The following RPS6KA5 variants were observed in gnomAD, a reference collection of about 807,000 sequenced individuals.
The protein encoded by RPS6KA5 is ribosomal protein S6 kinase A5, also known as ribosomal protein S6 kinase alpha-5.
In RPS6KA5, 27 loss-of-function variants were observed where a neutral mutation model predicts 85.5. The ratio of observed to expected loss-of-function variants is 0.32; its 90% CI spans 0.23 to 0.44. The LOEUF (loss-of-function observed/expected upper bound fraction) is 0.44, where lower values mean the gene tolerates loss of function less well. Ranked by LOEUF, RPS6KA5 falls within the 20% of genes least tolerant of loss-of-function variation. RPS6KA5 has a pLI of 1.00. For synonymous variants in RPS6KA5, 334 were observed against 348.2 expected (o/e 0.96, Z 0.46); for missense variants, 811 against 980.9 (o/e 0.83, Z 2.31).
At chr14:90,890,318 C>T (rs1018689296) in intron 14 of RPS6KA5, among the ~76,000 whole-genome samples, 169 bp downstream of exon 14, 2 of 152,132 alleles carry the variant, frequency 1.3e-5, no homozygotes, top group African/African-American at 4.8e-5. Flanking sequence ...CTTTAATATA[C>T]ATTTTAAGAC....
In RPS6KA5 at chr14:90,855,413, C is replaced by T. The variant is rs2032224123; in HGVS notation, c.*16661G>A. On this transcript the variant is annotated 3_prime_UTR_variant, in exon 17 of 17. Coordinates refer to ENST00000614987, the MANE Select transcript of RPS6KA5 (RefSeq NM_004755.4). ...TCACCAAAGAAAAACTGAACTCAAA[C>T]AAAGGCCTGGTACTTACATTATTTT... is the stretch of plus-strand genomic sequence containing the variant. 1 of 151,234 alleles carries T rather than the reference C, an allele frequency of 6.6e-6. No individual in the cohort carries two copies. Among genetic ancestry groups the T allele is most frequent in the Admixed American group, 6.7e-5 (1 of 14,998 alleles). 9.4% of individuals were successfully genotyped at this position (151,234 alleles called of 1,614,324 possible).
chr14:91,027,193 G>T (rs1016811187), intron 1 of RPS6KA5, among the ~76,000 whole-genome samples: 6 of 152,100 alleles, frequency 3.9e-5, no homozygotes, highest in African/African-American at 1.2e-4. Context: ...TCTTTCCAAA[G>T]TCCGAGGTAT....
intron 3 of RPS6KA5, among the ~76,000 whole-genome samples, chr14:90,960,173 T>C (rs2038725343): frequency 6.6e-6 from 1 of 152,196 alleles, no homozygotes; most frequent in East Asian, 1.9e-4. Context: ...GATTTTCATT[T>C]CAACAAGAGC....
intron 16 of RPS6KA5, 22 bp downstream of exon 16, chr14:90,873,610 T>C (rs1485562026): frequency 2.5e-6 from 4 of 1,595,062 alleles, no homozygotes; most frequent in Admixed American, 1.7e-5. Context: ...CCGCCCAACA[T>C]GTACAGAGCA....
At chr14:90,902,632 T>A (rs1043834650) in intron 9 of RPS6KA5, among the ~76,000 whole-genome samples, 176 bp downstream of exon 9, 2 of 152,276 alleles carry the variant, frequency 1.3e-5, no homozygotes, top group African/African-American at 4.8e-5. Context: ...TATCTGCTAT[T>A]GAGCAAACTA....
intron 12 of RPS6KA5, among the ~76,000 whole-genome samples, chr14:90,897,345 A>G (rs2034896342): frequency 6.6e-6 from 1 of 152,154 alleles, no homozygotes; most frequent in South Asian, 2.1e-4. Context: ...TGACCTCCAG[A>G]CTGCAGGATA....
intron 15 of RPS6KA5, among the ~76,000 whole-genome samples, chr14:90,874,982 C>T (rs2033356751): frequency 6.6e-6 from 1 of 152,056 alleles, no homozygotes; most frequent in African/African-American, 2.4e-5. Flanking sequence ...GACTGAGATG[C>T]CAGTGGAAGT....
rs2032640624 is a variant in RPS6KA5, at chr14:90,863,144, A to G, written c.*8930T>C. On this transcript the variant is annotated 3_prime_UTR_variant, in exon 17 of 17. Coordinates refer to ENST00000614987, the MANE Select transcript of RPS6KA5 (RefSeq NM_004755.4). ...ATGGTGAAACCCCATCTCTACTAATAATACAAAAATTAGCTGAGGGTGGTG... is the reference window on the plus strand; with the variant it reads ...ATGGTGAAACCCCATCTCTACTAATGATACAAAAATTAGCTGAGGGTGGTG... The G allele has an allele frequency of 6.6e-6, 1 of 151,566 alleles. No homozygotes were observed. The highest frequency in any genetic ancestry group is 1.5e-5 in the Non-Finnish European group (1 of 67,886). 9.4% of individuals were successfully genotyped at this position (151,566 alleles called of 1,614,324 possible).
intron 1 of RPS6KA5, among the ~76,000 whole-genome samples, chr14:91,059,078 A>G (rs1298840408): frequency 6.6e-6 from 1 of 152,218 alleles, no homozygotes; most frequent in Non-Finnish European, 1.5e-5. Flanking sequence ...CTGTAATCCC[A>G]GCACTTTGGG....
At chr14:90,974,061 A>AAAAAAAAAAG (rs2039451609) in intron 3 of RPS6KA5, among the ~76,000 whole-genome samples, 1 of 148,710 alleles carries the variant, frequency 6.7e-6, no homozygotes, top group Non-Finnish European at 1.5e-5. Flanking sequence ...AAAAAAAAAT[A>AAAAAAAAAAG]GTGTCCAAAC....
At chr14:90,958,632 A>C (rs1381662402) in intron 3 of RPS6KA5, among the ~76,000 whole-genome samples, 2 of 152,090 alleles carry the variant, frequency 1.3e-5, no homozygotes, top group African/African-American at 4.8e-5. Flanking sequence ...ATATCTTCCT[A>C]AGGTTTGTTC....
chr14:90,882,182 T>A (rs1370912572), intron 14 of RPS6KA5, among the ~76,000 whole-genome samples: 1 of 152,242 alleles, frequency 6.6e-6, no homozygotes, highest in East Asian at 1.9e-4. Context: ...CCCAAGGGAT[T>A]ACATTTACTA....
At chr14:90,934,914 A>C (rs1219095631) in intron 5 of RPS6KA5, among the ~76,000 whole-genome samples, 1 of 152,194 alleles carries the variant, frequency 6.6e-6, no homozygotes, top group Non-Finnish European at 1.5e-5. Flanking sequence ...GCAACAGGGT[A>C]ACACTTTGGT....
At chr14:90,904,113 C>A (rs2035358791) in intron 8 of RPS6KA5, among the ~76,000 whole-genome samples, 1 of 152,116 alleles carries the variant, frequency 6.6e-6, no homozygotes, top group Non-Finnish European at 1.5e-5. Context: ...CCATGCCCGG[C>A]TAATTTTTTG....
chr14:91,041,769 CT>C (rs2042613129), intron 1 of RPS6KA5, among the ~76,000 whole-genome samples: 1 of 152,208 alleles, frequency 6.6e-6, no homozygotes, highest in Non-Finnish European at 1.5e-5. Flanking sequence ...TAAAACAATG[CT>C]GCCCACTTTG....
At chr14:91,003,876 T>A (rs2040890482) in intron 1 of RPS6KA5, among the ~76,000 whole-genome samples, 1 of 152,188 alleles carries the variant, frequency 6.6e-6, no homozygotes, top group South Asian at 2.1e-4. Flanking sequence ...TTAGATTTCT[T>A]GGAATTTTCT....
At chr14:91,056,166 T>A (rs1044086717) in intron 1 of RPS6KA5, among the ~76,000 whole-genome samples, 3 of 152,234 alleles carry the variant, frequency 2.0e-5, no homozygotes, top group Non-Finnish European at 2.9e-5. Context: ...TACACCACAA[T>A]ACATAAACTT....
intron 2 of RPS6KA5, among the ~76,000 whole-genome samples, chr14:90,991,621 G>T (rs2040308428): frequency 6.9e-6 from 1 of 144,348 alleles, no homozygotes; most frequent in Non-Finnish European, 1.5e-5. Flanking sequence ...AAAATAGCTT[G>T]AACTTGGGAG....
At chr14:90,997,873 C>T (rs1292730421) in intron 2 of RPS6KA5, among the ~76,000 whole-genome samples, 3 of 151,650 alleles carry the variant, frequency 2.0e-5, no homozygotes, top group Non-Finnish European at 2.9e-5. Flanking sequence ...ATTAGCCGAG[C>T]GTGGTGGTGT....
Sources: allele counts gnomAD v4.1 joint callset (sites outside exome capture counted in the v4.1 genomes callset), GRCh38; gene constraint gnomAD v4.1.1; transcripts MANE v1.5; gene names NCBI Gene and HGNC (gene_info 2026-07-23, HGNC 2026-07-21).